Variants in EGLN1 observed in about 807,000 individuals in gnomAD.
EGLN1 encodes egl nine homolog 1.
Under a neutral mutation model 38.3 loss-of-function variants are expected in EGLN1, and 17 were observed. The observed-to-expected ratio is 0.44, with a 90% CI of 0.30 to 0.67. EGLN1 has a LOEUF of 0.67. Among genes scored for constraint, EGLN1 ranks in the 30% least tolerant of loss-of-function variants. The pLI, the probability that EGLN1 is intolerant of heterozygous loss-of-function variation, is 0.08. For missense variants in EGLN1, 477 were observed against 603.3 expected (o/e 0.79, Z 2.19); for synonymous variants, 283 against 257.5 (o/e 1.10, Z -0.95).
intron 1 of EGLN1, among the ~76,000 whole-genome samples, chr1:231,415,237 C>A (rs1238154928): frequency 6.7e-6 from 1 of 149,962 alleles, no homozygotes; most frequent in Non-Finnish European, 1.5e-5. Flanking sequence ...TGCACCACTG[C>A]ACTCCAGCCT....
intron 1 of EGLN1, among the ~76,000 whole-genome samples, chr1:231,376,916 G>A (rs1275516273): frequency 1.3e-5 from 2 of 152,130 alleles, no homozygotes; most frequent in South Asian, 2.1e-4. Context: ...AGTGTGGCTG[G>A]AACACAGCGA....
intron 1 of EGLN1, among the ~76,000 whole-genome samples, chr1:231,386,428 G>C (rs1688209488): frequency 6.6e-6 from 1 of 152,160 alleles, no homozygotes; most frequent in Non-Finnish European, 1.5e-5. Flanking sequence ...GTTAATGTAA[G>C]GACAAGATCC....
intron 1 of EGLN1, among the ~76,000 whole-genome samples, chr1:231,377,323 C>G (rs1687985011): frequency 6.6e-6 from 1 of 152,168 alleles, no homozygotes; most frequent in African/African-American, 2.4e-5. Flanking sequence ...ATGGAATTAA[C>G]CACTGTACTA....
chr1:231,421,908 ACGGCGACTGCGG>A lies in EGLN1; in HGVS notation c.-32_-21del. 2.2e-6 allele frequency: 3 copies of A among 1,391,668 alleles called. No individual in the cohort carries two copies. Among genetic ancestry groups the A allele is most frequent in the East Asian group, 3.1e-5 (1 of 32,448 alleles). 86.2% of individuals were successfully genotyped at this position (1,391,668 alleles called of 1,614,324 possible). A position where few individuals can be genotyped will look rare whatever the true frequency, so the allele number is the denominator to read the frequency against. ...GGCCATGGCGGCGGCGGCGGCGGCG[ACGGCGACTGCGG>A]CGGCCGAGCAGGAGGGGTAGCGGCC... On this transcript the variant is annotated 5_prime_UTR_variant, in exon 1 of 5. Coordinates refer to ENST00000366641, the MANE Select transcript of EGLN1 (RefSeq NM_022051.3). The surrounding 1 kb of genome is among the most constrained non-coding windows in gnomAD (Gnocchi z 5.5).
intron 1 of EGLN1, among the ~76,000 whole-genome samples, chr1:231,393,758 A>G (rs1688450495): frequency 6.6e-6 from 1 of 151,850 alleles, no homozygotes; most frequent in African/African-American, 2.4e-5. Context: ...CTTCCTCATC[A>G]CACCCTCTGC....
chr1:231,421,418 C>T lies in EGLN1; in HGVS notation c.471G>A (p.Gln157=), dbSNP rs61750991. ...EEPPARSSLF[Q]EKANLYPPSN... ...TTGGGGGGTACAGGTTCGCCTTCTC[C>T]TGGAACAGCGATGAGCGGGCCGGCG... The change falls in exon 1 of 5, where the codon CAG becomes CAA. Residue 157 remains glutamine, a synonymous_variant. Transcript: ENST00000366641. The surrounding 1 kb of genome is among the most constrained non-coding windows in gnomAD (Gnocchi z 5.5). The T allele has an allele frequency of 1.0e-5, 16 of 1,586,716 alleles. No individual in the cohort carries two copies. Among genetic ancestry groups the T allele is most frequent in the Non-Finnish European group, 1.3e-5 (15 of 1,163,568 alleles).
At chr1:231,394,764 A>T (rs1283646279) in intron 1 of EGLN1, among the ~76,000 whole-genome samples, 1 of 152,048 alleles carries the variant, frequency 6.6e-6, no homozygotes, top group African/African-American at 2.4e-5. Context: ...AAACAAGCAA[A>T]AACTTCCTCA....
At chr1:231,388,038 TTACAGATTGCTA>T (rs1396356531) in intron 1 of EGLN1, among the ~76,000 whole-genome samples, 1 of 152,230 alleles carries the variant, frequency 6.6e-6, no homozygotes, top group African/African-American at 2.4e-5. Flanking sequence ...AGGCAGATCT[TTACAGATTGCTA>T]TACACTATTA....
intron 1 of EGLN1, among the ~76,000 whole-genome samples, chr1:231,389,815 G>A (rs1303049905): frequency 1.3e-5 from 2 of 152,294 alleles, no homozygotes; most frequent in East Asian, 3.9e-4. Flanking sequence ...GGGTGTGGTG[G>A]CAAGCGCCTG....
intron 1 of EGLN1, among the ~76,000 whole-genome samples, chr1:231,385,392 T>C (rs1688178303): frequency 1.3e-5 from 2 of 152,128 alleles, no homozygotes; most frequent in Non-Finnish European, 2.9e-5. Flanking sequence ...ACTACTTCAC[T>C]GGGGAGAAGG....
chr1:231,420,148 T>G (rs537368611), intron 1 of EGLN1: 2 of 152,070 alleles, frequency 1.3e-5, no homozygotes, highest in African/African-American at 4.8e-5. Flanking sequence ...AAAACCGCAA[T>G]AGTAAAGAGA....
chr1:231,386,786 C>T (rs1489890898), intron 1 of EGLN1, among the ~76,000 whole-genome samples: 1 of 152,136 alleles, frequency 6.6e-6, no homozygotes, highest in Non-Finnish European at 1.5e-5. Flanking sequence ...ATCTTTAATA[C>T]AATTTTAAAA....
intron 1 of EGLN1, among the ~76,000 whole-genome samples, chr1:231,413,398 T>C (rs1448257654): frequency 6.6e-6 from 1 of 152,134 alleles, no homozygotes; most frequent in African/African-American, 2.4e-5. Context: ...GCCTCTGTAT[T>C]TGCTATTTAA....
intron 1 of EGLN1, among the ~76,000 whole-genome samples, chr1:231,405,775 A>G (rs1688773584): frequency 6.6e-6 from 1 of 152,164 alleles, no homozygotes; most frequent in Non-Finnish European, 1.5e-5. Context: ...CACACATTAA[A>G]GAAAAAGCTT....
At chr1:231,381,277 T>G (rs1418208856) in intron 1 of EGLN1, among the ~76,000 whole-genome samples, 1 of 152,166 alleles carries the variant, frequency 6.6e-6, no homozygotes, top group Non-Finnish European at 1.5e-5. Flanking sequence ...TTCAACCTTT[T>G]TACTCTGCTT....
intron 1 of EGLN1, among the ~76,000 whole-genome samples, chr1:231,392,776 T>A (rs372055882): frequency 7.5e-4 from 114 of 152,318 alleles, no homozygotes; most frequent in African/African-American, 2.6e-3. Context: ...TTTATCTTCA[T>A]CCTCAAGCAG....
rs377085416 is a variant in EGLN1 at position 231,420,956 on chromosome 1, C to T, written c.891+42G>A. ...TCAGTCGCAGGCAGGGGCTGCCCGC[C>T]GAGAAGGGCCTGTCCAGCACAAACC... is the stretch of plus-strand genomic sequence containing the variant. On this transcript the variant is annotated intron_variant, in intron 1 of 4. Coordinates refer to ENST00000366641, the MANE Select transcript of EGLN1 (RefSeq NM_022051.3). 2.5e-6 allele frequency: 4 copies of T among 1,613,688 alleles called. No homozygotes were observed. In the African/African-American group the frequency reaches 4.0e-5, roughly 16 times the overall value.
chr1:231,375,064 T>C (rs987366989), intron 1 of EGLN1, among the ~76,000 whole-genome samples: 3 of 152,074 alleles, frequency 2.0e-5, no homozygotes, highest in African/African-American at 7.2e-5. Flanking sequence ...CTATTCTTGT[T>C]TTTGTTTGTT....
intron 1 of EGLN1, among the ~76,000 whole-genome samples, chr1:231,386,912 C>T (rs1265336086): frequency 3.3e-5 from 5 of 152,212 alleles, no homozygotes; most frequent in East Asian, 3.9e-4. Context: ...TAGGCTAGGG[C>T]GCAGTGGCTT....
Sources: gnomAD v4.1 joint callset for allele counts (sites outside exome capture counted in the v4.1 genomes callset) on GRCh38, gnomAD v4.1.1 for gene constraint, Gnocchi (gnomAD v3.1) non-coding constraint, MANE v1.5 for transcripts, NCBI Gene and HGNC (gene_info 2026-07-23, HGNC 2026-07-21) for gene names.